The following TACR1 variants were observed in gnomAD, a reference collection of about 807,000 sequenced individuals.
TACR1 encodes substance-P receptor.
A neutral mutation model predicts 35.8 loss-of-function variants in TACR1; 25 were observed. The ratio of observed to expected loss-of-function variants is 0.70; its 90% confidence interval spans 0.51 to 0.98. The LOEUF (loss-of-function observed/expected upper bound fraction) is 0.98. Ranked by LOEUF, TACR1 falls within the 50% of genes least tolerant of loss-of-function variation. TACR1 has a pLI of 0.00. For synonymous variants in TACR1, 195 were observed against 206.7 expected (o/e 0.94, Z 0.48); for missense variants, 478 against 522.9 (o/e 0.91, Z 0.84).
At chr2:75,107,885 A>T (rs1456545690) in intron 2 of TACR1, among the ~76,000 whole-genome samples, 1 of 152,074 alleles carries the variant, frequency 6.6e-6, no homozygotes, top group Non-Finnish European at 1.5e-5. Flanking sequence ...AGAATTGGTA[A>T]ATAAACTATT....
intron 1 of TACR1, among the ~76,000 whole-genome samples, chr2:75,136,673 A>G (rs955899043): frequency 3.3e-5 from 5 of 152,332 alleles, no homozygotes; most frequent in South Asian, 2.1e-4. Context: ...AAAATGGTCA[A>G]AGTCATAACA....
At chr2:75,056,988 C>T (rs1672580929) in intron 2 of TACR1, among the ~76,000 whole-genome samples, 1 of 152,170 alleles carries the variant, frequency 6.6e-6, no homozygotes, top group South Asian at 2.1e-4. Context: ...TCATTCACGA[C>T]AGCTAAAAGG....
intron 1 of TACR1, among the ~76,000 whole-genome samples, chr2:75,174,785 G>A (rs1675373262): frequency 6.6e-6 from 1 of 152,178 alleles, no homozygotes; most frequent in Non-Finnish European, 1.5e-5. Context: ...TCCCTGGTGA[G>A]AATTTGCATA....
intron 1 of TACR1, among the ~76,000 whole-genome samples, chr2:75,125,850 C>T (rs1558561653): frequency 6.6e-6 from 1 of 152,158 alleles, no homozygotes; most frequent in Non-Finnish European, 1.5e-5. Context: ...AATAGAGCCT[C>T]AATACCTACT....
chr2:75,162,227 G>T (rs1675027507), intron 1 of TACR1, among the ~76,000 whole-genome samples: 2 of 152,068 alleles, frequency 1.3e-5, no homozygotes, highest in South Asian at 2.1e-4. Context: ...AAATTCAAAA[G>T]AATACAGCCA....
intron 1 of TACR1, among the ~76,000 whole-genome samples, chr2:75,172,454 ACTTTT>A (rs912170099): frequency 1.3e-5 from 2 of 152,170 alleles, no homozygotes; most frequent in African/African-American, 4.8e-5. Context: ...TTCCTTGGAC[ACTTTT>A]CTTTTCGGGC....
At chr2:75,062,054 T>C (rs1436684206) in intron 2 of TACR1, among the ~76,000 whole-genome samples, 2 of 152,168 alleles carry the variant, frequency 1.3e-5, no homozygotes, top group Non-Finnish European at 2.9e-5. Flanking sequence ...TAGAAAAATA[T>C]CATCTTGGGT....
intron 2 of TACR1, among the ~76,000 whole-genome samples, chr2:75,057,906 A>G (rs985449481): frequency 2.6e-5 from 4 of 152,242 alleles, no homozygotes; most frequent in African/African-American, 9.6e-5. Flanking sequence ...ATTTTATCAC[A>G]ATAAAATTTA....
chr2:75,167,566 A>G (rs1011284743), intron 1 of TACR1, among the ~76,000 whole-genome samples: 2 of 152,244 alleles, frequency 1.3e-5, no homozygotes, highest in Admixed American at 6.5e-5. Flanking sequence ...ACATTTGCCA[A>G]GACATCCTTC....
intron 1 of TACR1, among the ~76,000 whole-genome samples, chr2:75,146,575 C>G (rs1674519111): frequency 6.6e-6 from 1 of 152,166 alleles, no homozygotes; most frequent in South Asian, 2.1e-4. Flanking sequence ...GCAAGAATAG[C>G]TTTAATTCAT....
At chr2:75,083,623 C>T (rs1572919219) in intron 2 of TACR1, among the ~76,000 whole-genome samples, 1 of 151,912 alleles carries the variant, frequency 6.6e-6, no homozygotes, top group Non-Finnish European at 1.5e-5. Flanking sequence ...TTGTAGTTCT[C>T]CTTGAAGAGG....
At chr2:75,154,410 GCACACACACACACA>G (rs766455987) in intron 1 of TACR1, 1,158 of 75,436 alleles carry the variant, frequency 0.015, 126 homozygotes, top group Non-Finnish European at 0.022. Flanking sequence ...GAGCGCGCAC[GCACACACACACACA>G]CACACACACA....
chr2:75,143,852 A>G (rs898667760), intron 1 of TACR1, among the ~76,000 whole-genome samples: 1 of 152,178 alleles, frequency 6.6e-6, no homozygotes, highest in South Asian at 2.1e-4. Context: ...GGATTGACTG[A>G]TGAGCCCACT....
At chr2:75,128,231 T>C (rs1387511930) in intron 1 of TACR1, among the ~76,000 whole-genome samples, 1 of 152,212 alleles carries the variant, frequency 6.6e-6, no homozygotes, top group African/African-American at 2.4e-5. Context: ...AAGACAAGCT[T>C]ACAAAGGGAC....
At chr2:75,068,008 G>C (rs1008788567) in intron 2 of TACR1, among the ~76,000 whole-genome samples, 2 of 152,220 alleles carry the variant, frequency 1.3e-5, no homozygotes, top group Non-Finnish European at 2.9e-5. Flanking sequence ...ACTTTCATCT[G>C]GGCAAGATAT....
At chr2:75,061,099 G>A (rs139174873) in intron 2 of TACR1, among the ~76,000 whole-genome samples, 2 of 152,160 alleles carry the variant, frequency 1.3e-5, no homozygotes, top group Non-Finnish European at 2.9e-5. Context: ...GTCCTCATGT[G>A]TCCAAAAACC....
intron 1 of TACR1, among the ~76,000 whole-genome samples, chr2:75,191,432 T>C (rs927686836): frequency 6.6e-6 from 1 of 152,066 alleles, no homozygotes; most frequent in Non-Finnish European, 1.5e-5. Flanking sequence ...GAGGAGGTGC[T>C]TATCATTTTC....
intron 1 of TACR1, among the ~76,000 whole-genome samples, chr2:75,178,682 T>C (rs993812931): frequency 6.6e-6 from 1 of 152,206 alleles, no homozygotes; most frequent in African/African-American, 2.4e-5. Flanking sequence ...AATGATCTCG[T>C]CTTGTCAAAT....
At chr2:75,171,378 T>A (rs1016478466) in intron 1 of TACR1, among the ~76,000 whole-genome samples, 1 of 152,172 alleles carries the variant, frequency 6.6e-6, no homozygotes, top group Non-Finnish European at 1.5e-5. Context: ...AATGCCTGGA[T>A]GTCCAGGCCG....
Sources: allele counts gnomAD v4.1 joint callset (sites outside exome capture counted in the v4.1 genomes callset), GRCh38; gene constraint gnomAD v4.1.1; transcripts MANE v1.5; gene names NCBI Gene and HGNC (gene_info 2026-07-23, HGNC 2026-07-21).